Variants in OR5K1 observed in about 807,000 individuals in gnomAD.
The protein encoded by OR5K1 is olfactory receptor family 5 subfamily K member 1, also known as olfactory receptor 5K1.
A neutral mutation model predicts 10.4 loss-of-function variants in OR5K1; 7 were observed. The ratio of observed to expected loss-of-function variants is 0.67; its 90% CI spans 0.38 to 1.26. The LOEUF is 1.26. Ranked by LOEUF, OR5K1 falls within the 50% of genes most tolerant of loss-of-function variation. The probability of loss-of-function intolerance (pLI) is 0.02; values close to 1 mark genes in which losing one functional copy is unlikely to be tolerated. For synonymous variants in OR5K1, 135 were observed against 128.5 expected, an observed-to-expected ratio of 1.05 and a Z score of -0.34; for missense variants, 435 against 366.2, an observed-to-expected ratio of 1.19 and a Z score of -1.53.
At chr3:98,466,141 A>G (rs1488585391) in intron 1 of OR5K1, among the ~76,000 whole-genome samples, 1 of 150,096 alleles carries the variant, frequency 6.7e-6, no homozygotes, top group East Asian at 2.0e-4. Flanking sequence ...GAGTGAGAAT[A>G]TGCAGTGTTT....
rs1432357551 is a variant in OR5K1 at position 98,469,970 on chromosome 3, T to C, written c.394T>C (p.Tyr132His). The C allele has an allele frequency of 1.2e-6, 2 of 1,613,612 alleles. No individual in the cohort carries two copies. The highest frequency in any genetic ancestry group is 1.7e-6 in the Non-Finnish European group (2 of 1,179,810). The change falls in exon 2 of 2, where the codon TAC becomes CAC. Residue 132 changes from tyrosine to histidine, a missense_variant. By Grantham distance (83) the Tyr-to-His change is moderately conservative. Transcript: ENST00000642057. ...TGTGGCCATATGCAACCCACTGCAG[T>C]ACCACATCATGATGTCCAAGAAACT... is the stretch of plus-strand genomic sequence containing the variant. The part of the protein sequence containing the change: ...RYVAICNPLQ[Y>H]HIMMSKKLCI...
rs776513260 is a variant in OR5K1, at chr3:98,469,820, T to C, written c.244T>C (p.Leu82=). The C allele has an allele frequency of 6.2e-7, 1 of 1,613,778 alleles. No homozygotes were observed. The highest frequency in any genetic ancestry group is 8.5e-7 in the Non-Finnish European group (1 of 1,179,790). ...TGCCTGTGCTATTACCCCCAAAATG[T>C]TAGAGAACTTCTTTTCTGAGAACAA... ...CCACAITPKM[L]ENFFSENKRI... is the part of the protein sequence containing the mutation. Residue 82 remains leucine (L), a synonymous_variant, in exon 2 of 2, where the codon TTA becomes CTA. Transcript: ENST00000642057.
chr3:98,469,424 C>T (rs1429170788), intron 1 of OR5K1, 142 bp from the exon 2 acceptor site: 2 of 697,456 alleles, frequency 2.9e-6, no homozygotes, highest in East Asian at 5.4e-5. Context: ...ATTCATTCTC[C>T]CCATGAATGG....
intron 1 of OR5K1, among the ~76,000 whole-genome samples, chr3:98,468,948 C>G (rs1705408526): frequency 1.3e-5 from 2 of 152,054 alleles, no homozygotes; most frequent in Non-Finnish European, 1.5e-5. Flanking sequence ...GACCTCAAAA[C>G]CCATCTTTGT....
At position 98,471,393 on chromosome 3, in the gene OR5K1, G is replaced by A. The variant is rs1486668728; in HGVS notation, c.*890G>A. 1 of 151,126 alleles carries A rather than the reference G, an allele frequency of 6.6e-6. No individual in the cohort carries two copies. Among genetic ancestry groups the A allele is most frequent in the African/African-American group, 2.4e-5 (1 of 41,378 alleles). The allele number at this position is 151,126 out of a possible 1,614,324, so 9.4% of individuals were successfully genotyped here. A position where few individuals can be genotyped will look rare whatever the true frequency, so the allele number is the denominator to read the frequency against. On this transcript the variant is annotated 3_prime_UTR_variant, in exon 2 of 2. Transcript: ENST00000642057. ...ACATAGTGTTGTTAAACTGTAGGTA[G>A]AGTTTATCTAATTTTTTTTTCTTTT...
chr3:98,470,661 A>G lies in OR5K1; in HGVS notation c.*158A>G, dbSNP rs1346656498. Reference sequence around the variant, plus strand: ...AAATTAAGTGGCAAGAGGTAAGGGTAGAATATACAAAAAAGAGTAAACTGT... The same window carrying G: ...AAATTAAGTGGCAAGAGGTAAGGGTGGAATATACAAAAAAGAGTAAACTGT... On this transcript the variant is annotated 3_prime_UTR_variant, in exon 2 of 2. Transcript: ENST00000642057. 2 of 471,162 alleles carry G rather than the reference A, an allele frequency of 4.2e-6. No individual in the cohort carries two copies. Among genetic ancestry groups the G allele is most frequent in the Non-Finnish European group, 7.5e-6 (2 of 265,606 alleles). 29.2% of individuals were successfully genotyped at this position (471,162 alleles called of 1,614,324 possible).
chr3:98,469,427 A>ATATGGTGCATGG (rs1705413683), intron 1 of OR5K1, 139 bp from the exon 2 acceptor site: 2 of 721,292 alleles, frequency 2.8e-6, no homozygotes, highest in Non-Finnish European at 4.5e-6. Flanking sequence ...CATTCTCCCC[A>ATATGGTGCATGG]TGAATGGGGC....
Position 98,472,372 on chromosome 3 carries a change from T to C in OR5K1, c.*1869T>C. 6.6e-6 allele frequency: 1 copy of C among 151,880 alleles called. No individual in the cohort carries two copies. Among genetic ancestry groups the C allele is most frequent in the East Asian group, 1.9e-4 (1 of 5,176 alleles). 9.4% of individuals were successfully genotyped at this position (151,880 alleles called of 1,614,324 possible). On this transcript the variant is annotated 3_prime_UTR_variant, in exon 2 of 2. Coordinates refer to ENST00000642057, the MANE Select transcript of OR5K1 (RefSeq NM_001004736.4). ...CACAATACCAGTACAATGTAGGATT[T>C]TGAAAGCTTACATGGGTCCCTTTTG...
chr3:98,470,080 C>T lies in OR5K1; in HGVS notation c.504C>T (p.Phe168=), dbSNP rs1705426587. 4.3e-6 allele frequency: 7 copies of T among 1,613,688 alleles called. No individual in the cohort carries two copies. The highest frequency in any genetic ancestry group is 1.6e-4 in the Middle Eastern group (1 of 6,062). The change falls in exon 2 of 2, where the codon TTC becomes TTT. Residue 168 remains phenylalanine (F), a synonymous_variant. Coordinates refer to ENST00000642057, the MANE Select transcript of OR5K1 (RefSeq NM_001004736.4). ...IHVGLVFRLV[F]CGSNHINHFY... ...TAGGGCTTGTATTTAGGTTAGTTTT[C>T]TGTGGATCGAATCACATCAACCACT... is the stretch of plus-strand genomic sequence containing the variant.
chr3:98,471,795 G>A lies in OR5K1; in HGVS notation c.*1292G>A, dbSNP rs1705450575. On this transcript the variant is annotated 3_prime_UTR_variant, in exon 2 of 2. Transcript: ENST00000642057. Reference sequence around the variant, plus strand: ...ATCACAGGAAAAATCAATATGCTGAGTCTGTACAGAAAAAGTAATAGGAGA... The same window carrying A: ...ATCACAGGAAAAATCAATATGCTGAATCTGTACAGAAAAAGTAATAGGAGA... The A allele has an allele frequency of 6.6e-6, 1 of 152,010 alleles. No individual in the cohort carries two copies. The highest frequency in any genetic ancestry group is 6.6e-5 in the Admixed American group (1 of 15,230). 9.4% of individuals were successfully genotyped at this position (152,010 alleles called of 1,614,324 possible).
At chr3:98,469,031 C>A (rs1203400440) in intron 1 of OR5K1, among the ~76,000 whole-genome samples, 1 of 151,980 alleles carries the variant, frequency 6.6e-6, no homozygotes, top group Non-Finnish European at 1.5e-5. Context: ...TGGAATCAAC[C>A]TAAATGCCCA....
At position 98,470,379 on chromosome 3, in the gene OR5K1, G is replaced by A. The variant is rs1705432954; in HGVS notation, c.803G>A (p.Gly268Glu). The A allele has an allele frequency of 6.2e-7, 1 of 1,612,410 alleles. No individual in the cohort carries two copies. The highest frequency in any genetic ancestry group is 8.5e-7 in the Non-Finnish European group (1 of 1,178,900). Residue 268 changes from glycine to glutamate, a missense_variant, in exon 2 of 2, where the codon GGG (glycine) becomes GAG (glutamate). By Grantham distance (98) the Gly-to-Glu change is moderately conservative. Transcript: ENST00000642057. ...GTTAGACCAAATTTGCTTGAAGAAG[G>A]GGATAAAGATATACCAGCTGCAATT... The part of the protein sequence containing the change: ...MYVRPNLLEE[G>E]DKDIPAAILF...
chr3:98,468,786 TA>T (rs887138699), intron 1 of OR5K1, among the ~76,000 whole-genome samples: 6 of 152,112 alleles, frequency 3.9e-5, no homozygotes, highest in Admixed American at 2.0e-4. Context: ...CATTGGCATA[TA>T]AAAATACTCT....
intron 1 of OR5K1, among the ~76,000 whole-genome samples, chr3:98,466,125 A>T: frequency 6.7e-6 from 1 of 149,640 alleles, no homozygotes; most frequent in East Asian, 2.0e-4. Context: ...TTCAATTCCC[A>T]CCTATGAGTG....
chr3:98,466,034 G>A (rs1415137496), intron 1 of OR5K1, among the ~76,000 whole-genome samples: 1 of 151,862 alleles, frequency 6.6e-6, no homozygotes, highest in Non-Finnish European at 1.5e-5. Flanking sequence ...ATCTCCCAAT[G>A]CTATCCCTCC....
In OR5K1 at chr3:98,470,010, C is replaced by T. The variant is rs760440446; in HGVS notation, c.434C>T (p.Thr145Ile). 13 of 1,613,652 alleles carry T rather than the reference C, an allele frequency of 8.1e-6. No homozygotes were observed. The highest frequency in any genetic ancestry group is 1.7e-4 in the Middle Eastern group (1 of 6,058). The change falls in exon 2 of 2, where the codon ACC becomes ATC. Residue 145 changes from threonine to isoleucine, a missense_variant. Transcript: ENST00000642057. ...MMSKKLCIQM[T>I]TGAFIAGNLH... ...TCCAAGAAACTCTGCATTCAGATGACCACAGGGGCCTTCATAGCTGGAAAC... is the reference window on the plus strand; with the variant it reads ...TCCAAGAAACTCTGCATTCAGATGATCACAGGGGCCTTCATAGCTGGAAAC...
rs1480638031 is a variant in OR5K1 at position 98,469,957 on chromosome 3, C to T, written c.381C>T (p.Cys127=). The T allele has an allele frequency of 6.2e-7, 1 of 1,613,740 alleles. No individual in the cohort carries two copies. The highest frequency in any genetic ancestry group is 1.1e-5 in the South Asian group (1 of 91,076). ...AMAYDRYVAI[C]NPLQYHIMMS... ...CCTATGACCGCTATGTGGCCATATG[C>T]AACCCACTGCAGTACCACATCATGA... The change falls in exon 2 of 2, where the codon TGC becomes TGT. Residue 127 remains cysteine (C), a synonymous_variant. Transcript: ENST00000642057.
At position 98,470,907 on chromosome 3, in the gene OR5K1, G is replaced by A. The variant is rs941954326; in HGVS notation, c.*404G>A. 6.5e-6 allele frequency: 1 copy of A among 154,182 alleles called. No individual in the cohort carries two copies. Among genetic ancestry groups the A allele is most frequent in the East Asian group, 1.9e-4 (1 of 5,216 alleles). 9.6% of individuals were successfully genotyped at this position (154,182 alleles called of 1,614,324 possible). ...AATAGCTTAGAGCATGAGCATTATGGTTAAACTGAAAGAGTTTAAGATCAT... is the reference window on the plus strand; with the variant it reads ...AATAGCTTAGAGCATGAGCATTATGATTAAACTGAAAGAGTTTAAGATCAT... On this transcript the variant is annotated 3_prime_UTR_variant, in exon 2 of 2. Transcript: ENST00000642057.
chr3:98,464,874 G>A (rs1192496776), intron 1 of OR5K1, among the ~76,000 whole-genome samples: 2 of 152,142 alleles, frequency 1.3e-5, no homozygotes, highest in Admixed American at 6.6e-5. Context: ...TCATAAAAGT[G>A]GAGTAGGCAT....
Sources: gnomAD v4.1 joint callset for allele counts (sites outside exome capture counted in the v4.1 genomes callset) on GRCh38, gnomAD v4.1.1 for gene constraint, MANE v1.5 for transcripts, NCBI Gene and HGNC (gene_info 2026-07-23, HGNC 2026-07-21) for gene names.